MSH3: variants seen among roughly 807,000 people sequenced by gnomAD.
MSH3 encodes the protein mutS homolog 3.
A neutral mutation model predicts 123.3 loss-of-function variants in MSH3; 106 were observed. That is an observed-to-expected ratio of 0.86 (90% confidence interval 0.73 to 1.01). MSH3 has a LOEUF of 1.01. Ranked by LOEUF, MSH3 falls within the 50% of genes least tolerant of loss-of-function variation. The probability of loss-of-function intolerance (pLI) is 0.00; values close to 1 mark genes in which losing one functional copy is unlikely to be tolerated. For synonymous variants in MSH3, 515 were observed against 481.4 expected (o/e 1.07, Z -0.91); for missense variants, 1,459 against 1,347.6 (o/e 1.08, Z -1.29).
chr5:80,682,607 T>C (rs1201521731), intron 8 of MSH3, among the ~76,000 whole-genome samples: 4 of 152,038 alleles, frequency 2.6e-5, no homozygotes, highest in Admixed American at 2.6e-4. Flanking sequence ...AGGTACATAA[T>C]AGATGTATAT....
intron 20 of MSH3, among the ~76,000 whole-genome samples, chr5:80,839,495 G>A (rs1745579065): frequency 6.6e-6 from 1 of 152,172 alleles, no homozygotes; most frequent in African/African-American, 2.4e-5. Context: ...TAAGCAGCAT[G>A]AAATTTTATA....
intron 2 of MSH3, among the ~76,000 whole-genome samples, chr5:80,658,775 T>A (rs999921294): frequency 1.7e-4 from 14 of 84,212 alleles, no homozygotes; most frequent in Non-Finnish European, 2.5e-4. Context: ...ATATATATAT[T>A]TTTTTAGAGA....
chr5:80,684,826 G>T (rs138115749), intron 8 of MSH3, among the ~76,000 whole-genome samples: 2 of 152,078 alleles, frequency 1.3e-5, no homozygotes, highest in African/African-American at 4.8e-5. Flanking sequence ...GTTATGTTGA[G>T]GTATGTTCCT....
At chr5:80,768,384 C>G (rs1744160703) in intron 14 of MSH3, among the ~76,000 whole-genome samples, 1 of 152,006 alleles carries the variant, frequency 6.6e-6, no homozygotes, top group African/African-American at 2.4e-5. Flanking sequence ...ACAGGCAAAG[C>G]CAAGCATTAG....
At chr5:80,770,971 A>G (rs1744204826) in intron 15 of MSH3, among the ~76,000 whole-genome samples, 1 of 152,188 alleles carries the variant, frequency 6.6e-6, no homozygotes, top group East Asian at 1.9e-4. Context: ...TAGGAAGATC[A>G]GTTATCTTTT....
chr5:80,758,508 G>T lies in MSH3; in HGVS notation c.1764-3038G>T, dbSNP rs745783599. On this transcript the variant is annotated intron_variant, in intron 12 of 23. Transcript: ENST00000265081. ...AATAATTGGTAAATGGCAGAGCCTGGGTTTGAATCAAGGCCACCTGACTTC... is the reference window on the plus strand; with the variant it reads ...AATAATTGGTAAATGGCAGAGCCTGTGTTTGAATCAAGGCCACCTGACTTC... 7.2e-4 allele frequency among the ~76,000 whole-genome samples: 109 copies of T among 152,144 alleles called. 2 individuals are homozygous for T. Among genetic ancestry groups the T allele is most frequent in the Admixed American group, 6.5e-4 (10 of 15,268 alleles).
chr5:80,796,049 G>T (rs965846211), intron 19 of MSH3, among the ~76,000 whole-genome samples: 1 of 151,424 alleles, frequency 6.6e-6, no homozygotes, highest in African/African-American at 2.4e-5. Context: ...ATACCAGTAG[G>T]ATATAGCTTT....
intron 12 of MSH3, among the ~76,000 whole-genome samples, chr5:80,752,614 A>G (rs1743857066): frequency 1.3e-5 from 2 of 152,180 alleles, no homozygotes; most frequent in African/African-American, 4.8e-5. Flanking sequence ...AATGGGAATT[A>G]ACTACCTACC....
At chr5:80,675,654 T>C (rs6151652) in intron 7 of MSH3, among the ~76,000 whole-genome samples, 155 of 152,302 alleles carry the variant, frequency 1.0e-3, no homozygotes, top group African/African-American at 3.5e-3. Flanking sequence ...GGGATTACAA[T>C]TCAACATGAG....
chr5:80,757,524 A>AT (rs1743948536), intron 12 of MSH3, among the ~76,000 whole-genome samples: 1 of 152,122 alleles, frequency 6.6e-6, no homozygotes, highest in Admixed American at 6.6e-5. Flanking sequence ...TGACACTCAC[A>AT]TTTAGTCCTT....
At chr5:80,750,887 TG>T (rs1225998673) in intron 12 of MSH3, among the ~76,000 whole-genome samples, 1 of 152,226 alleles carries the variant, frequency 6.6e-6, no homozygotes, top group Non-Finnish European at 1.5e-5. Flanking sequence ...CAGGGTTAAC[TG>T]CTTGTACTTG....
At chr5:80,760,370 A>G (rs1317729368) in intron 12 of MSH3, among the ~76,000 whole-genome samples, 1 of 152,172 alleles carries the variant, frequency 6.6e-6, no homozygotes, top group Non-Finnish European at 1.5e-5. Flanking sequence ...CTCATTGATG[A>G]TACATTTAGT....
At chr5:80,778,586 A>T (rs6151824) in intron 16 of MSH3, 134 bp from the exon 17 acceptor site, 114 of 697,488 alleles carry the variant, frequency 1.6e-4, no homozygotes, top group Non-Finnish European at 2.7e-4. Flanking sequence ...ATAATTAAAG[A>T]ATGTTCTTCT....
chr5:80,829,291 G>C (rs1745378516), intron 20 of MSH3, among the ~76,000 whole-genome samples: 1 of 152,166 alleles, frequency 6.6e-6, no homozygotes. Flanking sequence ...GTGGTAAGAG[G>C]TGACAGCTTC....
chr5:80,859,406 G>A (rs1219455939), intron 21 of MSH3, among the ~76,000 whole-genome samples: 1 of 152,270 alleles, frequency 6.6e-6, no homozygotes, highest in East Asian at 1.9e-4. Context: ...GATTGCAAGT[G>A]TGAGCCACCT....
At chr5:80,795,471 G>A (rs1261707524) in intron 19 of MSH3, among the ~76,000 whole-genome samples, 4 of 152,090 alleles carry the variant, frequency 2.6e-5, no homozygotes, top group Non-Finnish European at 4.4e-5. Flanking sequence ...ACCTCACATG[G>A]TGGAATGGGT....
chr5:80,862,315 T>C (rs1024426501), intron 21 of MSH3, among the ~76,000 whole-genome samples: 1 of 152,228 alleles, frequency 6.6e-6, no homozygotes, highest in Admixed American at 6.5e-5. Context: ...TTCAGACTTT[T>C]AATAAGGTGA....
At position 80,672,249 on chromosome 5, in the gene MSH3, A is replaced by G. The variant is rs1749739361; in HGVS notation, c.798A>G (p.Ala266=). Residue 266 remains alanine, a synonymous_variant, in exon 5 of 24, where the codon GCA becomes GCG. Coordinates refer to ENST00000265081, the MANE Select transcript of MSH3 (RefSeq NM_002439.5). ...TTTCTTTTTTCATTTTTTAGATTGCAGCCCGAGAGCTCAATATTTATTGCC... is the reference window on the plus strand; with the variant it reads ...TTTCTTTTTTCATTTTTTAGATTGCGGCCCGAGAGCTCAATATTTATTGCC... ...YRFFGEDAEI[A]ARELNIYCHL... 1 of 1,608,940 alleles carries G rather than the reference A, an allele frequency of 6.2e-7. No individual in the cohort carries two copies.
chr5:80,660,431 G>A (rs1213267498), intron 2 of MSH3, among the ~76,000 whole-genome samples: 3 of 152,082 alleles, frequency 2.0e-5, no homozygotes, highest in African/African-American at 7.2e-5. Flanking sequence ...CTCTCACTGG[G>A]TCCCTACCAC....
Sources: gnomAD v4.1 joint callset for allele counts (sites outside exome capture counted in the v4.1 genomes callset) on GRCh38, gnomAD v4.1.1 for gene constraint, MANE v1.5 for transcripts, NCBI Gene and HGNC (gene_info 2026-07-23, HGNC 2026-07-21) for gene names.